The following CRPPA variants were observed in gnomAD, a reference collection of about 807,000 sequenced individuals.
The protein encoded by CRPPA is CDP-L-ribitol pyrophosphorylase A, also known as D-ribitol-5-phosphate cytidylyltransferase.
CRPPA carries 43 observed loss-of-function variants against 52.0 expected under a neutral mutation model. The observed-to-expected ratio is 0.83, with a 90% CI of 0.65 to 1.07. CRPPA has a LOEUF of 1.07. Among genes scored for constraint, CRPPA ranks in the 50% least tolerant of loss-of-function variants. CRPPA has a pLI of 0.00. For missense variants in CRPPA, 629 were observed against 551.7 expected, an observed-to-expected ratio of 1.14 and a Z score of -1.40; for synonymous variants, 250 against 203.5, an observed-to-expected ratio of 1.23 and a Z score of -1.94.
chr7:16,331,078 CA>C (rs1471843847), intron 3 of CRPPA, among the ~76,000 whole-genome samples: 50 of 152,210 alleles, frequency 3.3e-4, no homozygotes, highest in Admixed American at 3.2e-3. Flanking sequence ...CGGCTCACTG[CA>C]AACTCTGCCT....
Position 16,307,698 on chromosome 7 carries a change from A to G in CRPPA, c.789+825T>C, listed in dbSNP as rs1464760311. Among the ~76,000 whole-genome samples the G allele has an allele frequency of 5.0e-4, 75 of 150,862 alleles. 1 individual carries two copies. The highest frequency in any genetic ancestry group is 1.8e-3 in the African/African-American group (73 of 41,194). ...CAAAAAAAAAAAAAAAAAAAAAAAA[A>G]AAGAAGCAAGTTAGCCATTAAAAGA... On this transcript the variant is annotated intron_variant, in intron 4 of 9. Transcript: ENST00000407010.
intron 2 of CRPPA, among the ~76,000 whole-genome samples, chr7:16,402,169 G>A (rs1404694804): frequency 1.3e-5 from 2 of 152,196 alleles, no homozygotes; most frequent in Non-Finnish European, 2.9e-5. Context: ...AAGGAAAACA[G>A]CAAGCAAAAT....
At chr7:16,269,606 C>T (rs1326852321) in intron 6 of CRPPA, 2 of 152,002 alleles carry the variant, frequency 1.3e-5, no homozygotes, top group African/African-American at 4.8e-5. Context: ...CTTTTTTTAA[C>T]ACAAGTTGTA....
At chr7:16,349,942 T>C (rs973946566) in intron 3 of CRPPA, among the ~76,000 whole-genome samples, 2 of 151,944 alleles carry the variant, frequency 1.3e-5, no homozygotes, top group Non-Finnish European at 2.9e-5. Flanking sequence ...AAAGAGACCA[T>C]ATCAAGAAAT....
chr7:16,194,280 C>G (rs1781680005), intron 9 of CRPPA, among the ~76,000 whole-genome samples: 2 of 152,040 alleles, frequency 1.3e-5, no homozygotes, highest in Non-Finnish European at 2.9e-5. Context: ...GATAAGGTAG[C>G]CTTATACGAG....
At chr7:16,406,963 T>C (rs1018583188) in intron 1 of CRPPA, among the ~76,000 whole-genome samples, 1 of 152,180 alleles carries the variant, frequency 6.6e-6, no homozygotes, top group Non-Finnish European at 1.5e-5. Flanking sequence ...ATACAAAGCA[T>C]AAAGCAATGT....
rs1034521720 is a variant in CRPPA at position 16,278,256 on chromosome 7, T to A, written c.836-30A>T. Reference sequence around the variant, plus strand: ...AATTAAAAAAAAAAAGTTTTAAGTTTCAAACAAAACATGTAACAAGGCCCT... The same window carrying A: ...AATTAAAAAAAAAAAGTTTTAAGTTACAAACAAAACATGTAACAAGGCCCT... On this transcript the variant is annotated intron_variant, in intron 5 of 9. Transcript: ENST00000407010. The A allele has an allele frequency of 1.9e-5, 23 of 1,186,628 alleles. No individual in the cohort carries two copies. The Middle Eastern group carries it at 1.2e-3, about 60-fold the overall frequency. The allele number at this position is 1,186,628 out of a possible 1,614,324, so 73.5% of individuals were successfully genotyped here. A position where few individuals can be genotyped will look rare whatever the true frequency, so the allele number is the denominator to read the frequency against.
At chr7:16,225,036 A>G (rs1488749785) in intron 8 of CRPPA, among the ~76,000 whole-genome samples, 1 of 152,140 alleles carries the variant, frequency 6.6e-6, no homozygotes, top group African/African-American at 2.4e-5. Context: ...GCAAAACTAA[A>G]TGGAGAAATA....
intron 9 of CRPPA, among the ~76,000 whole-genome samples, chr7:16,172,893 T>A (rs1183941422): frequency 6.6e-6 from 1 of 152,152 alleles, no homozygotes; most frequent in Admixed American, 6.6e-5. Context: ...ACTAAAACTG[T>A]CTTCTTACAT....
intron 9 of CRPPA, among the ~76,000 whole-genome samples, chr7:16,167,074 G>T (rs1317913021): frequency 6.6e-6 from 1 of 151,896 alleles, no homozygotes; most frequent in Non-Finnish European, 1.5e-5. Context: ...GACTACAGGG[G>T]CCTGCCACCA....
chr7:16,173,663 G>A (rs1216049139), intron 9 of CRPPA, among the ~76,000 whole-genome samples: 1 of 152,146 alleles, frequency 6.6e-6, no homozygotes, highest in African/African-American at 2.4e-5. Context: ...ATGATAAAAT[G>A]AGAGAGCACT....
At chr7:16,417,048 G>T (rs1182009983) in intron 1 of CRPPA, among the ~76,000 whole-genome samples, 1 of 151,876 alleles carries the variant, frequency 6.6e-6, no homozygotes, top group Non-Finnish European at 1.5e-5. Flanking sequence ...ACAAACAAAC[G>T]TTCCACATCA....
intron 3 of CRPPA, among the ~76,000 whole-genome samples, chr7:16,375,602 C>A (rs1236512497): frequency 1.3e-5 from 2 of 152,154 alleles, no homozygotes; most frequent in African/African-American, 4.8e-5. Flanking sequence ...AGGCCCTCAG[C>A]CAGCATCTGA....
Position 16,400,039 on chromosome 7 carries a change from G to A in CRPPA, c.534+6022C>T, listed in dbSNP as rs531220611. ...GCGAATGACATGATTAGTACGTGAC[G>A]AATACACAACACGTGATTGGCACGT... On this transcript the variant is annotated intron_variant, in intron 2 of 9. Transcript: ENST00000407010. Among the ~76,000 whole-genome samples, 24 of 152,244 alleles carry A rather than the reference G, an allele frequency of 1.6e-4. No homozygotes were observed. The South Asian group carries it at 3.1e-3, about 20-fold the overall frequency.
chr7:16,245,236 A>T (rs554145146), intron 8 of CRPPA, among the ~76,000 whole-genome samples: 3 of 152,360 alleles, frequency 2.0e-5, no homozygotes, highest in East Asian at 3.9e-4. Context: ...ATGTATGTGT[A>T]TCAGTAGTTT....
At chr7:16,207,145 T>A (rs1002451537) in intron 9 of CRPPA, among the ~76,000 whole-genome samples, 2 of 152,162 alleles carry the variant, frequency 1.3e-5, no homozygotes, top group African/African-American at 4.8e-5. Flanking sequence ...TTCTCTTTAC[T>A]GAGTGGGAAA....
At chr7:16,364,108 G>C (rs1435604166) in intron 3 of CRPPA, among the ~76,000 whole-genome samples, 3 of 152,108 alleles carry the variant, frequency 2.0e-5, no homozygotes, top group Non-Finnish European at 4.4e-5. Context: ...AATTTACTGA[G>C]GGTAGAAAAT....
At chr7:16,258,890 A>T in intron 7 of CRPPA, 30 bp downstream of exon 7, 1 of 1,402,472 alleles carries the variant, frequency 7.1e-7, no homozygotes, top group Non-Finnish European at 1.0e-6. Context: ...TCATATCCTT[A>T]AGTGCCTTCA....
intron 9 of CRPPA, among the ~76,000 whole-genome samples, chr7:16,202,450 G>A (rs1191346336): frequency 1.3e-5 from 2 of 151,990 alleles, no homozygotes; most frequent in African/African-American, 2.4e-5. Context: ...ATTACATACT[G>A]GTCACTCAGC....
Sources: gnomAD v4.1 joint callset for allele counts (sites outside exome capture counted in the v4.1 genomes callset) on GRCh38, gnomAD v4.1.1 for gene constraint, MANE v1.5 for transcripts, NCBI Gene and HGNC (gene_info 2026-07-23, HGNC 2026-07-21) for gene names.